ZFP1: variants seen among roughly 807,000 people sequenced by gnomAD.
The protein encoded by ZFP1 is ZFP1 zinc finger protein.
In ZFP1, 32 loss-of-function variants were observed where a neutral mutation model predicts 38.5. The observed-to-expected ratio is 0.83, with a 90% CI of 0.63 to 1.12. The LOEUF (loss-of-function observed/expected upper bound fraction) is 1.12, where lower values mean the gene tolerates loss of function less well. Ranked by LOEUF, ZFP1 falls within the 50% of genes most tolerant of loss-of-function variation. The pLI, the probability that ZFP1 is intolerant of heterozygous loss-of-function variation, is 0.00. For synonymous variants in ZFP1, 245 were observed against 168.8 expected, an observed-to-expected ratio of 1.45 and a Z score of -3.50; for missense variants, 616 against 480.8, an observed-to-expected ratio of 1.28 and a Z score of -2.63.
At chr16:75,149,266 A>T (rs2037058278) in intron 1 of ZFP1, 1 of 152,170 alleles carries the variant, frequency 6.6e-6, no homozygotes, top group Non-Finnish European at 1.5e-5. Flanking sequence ...GTGGTACTTT[A>T]TGTGAGCAGC....
At chr16:75,165,308 T>G (rs1334135598) in intron 2 of ZFP1, among the ~76,000 whole-genome samples, 1 of 152,222 alleles carries the variant, frequency 6.6e-6, no homozygotes, top group Non-Finnish European at 1.5e-5. Context: ...TTTCAGCCCT[T>G]TGAAGATTTG....
the ZFP1 span, among the ~76,000 whole-genome samples, chr16:75,129,301 G>C: frequency 2.0e-5 from 3 of 152,150 alleles, no homozygotes; most frequent in African/African-American, 7.2e-5. Context: ...AGCCATGAGA[G>C]ATCAGATGAA....
chr16:75,140,936 G>A, the ZFP1 span, among the ~76,000 whole-genome samples: 1 of 151,980 alleles, frequency 6.6e-6, no homozygotes, highest in Non-Finnish European at 1.5e-5. Context: ...TCTAGCCTGG[G>A]CGACAGAGCA....
the ZFP1 span, among the ~76,000 whole-genome samples, chr16:75,135,969 C>A: frequency 6.6e-6 from 1 of 152,180 alleles, no homozygotes; most frequent in Non-Finnish European, 1.5e-5. Context: ...GCACCCGCCG[C>A]CATGCCTGGC....
the ZFP1 span, among the ~76,000 whole-genome samples, chr16:75,130,608 T>C: frequency 1.3e-5 from 2 of 152,166 alleles, no homozygotes; most frequent in African/African-American, 4.8e-5. Flanking sequence ...CAGGTTTTTG[T>C]ATCTATTGGG....
the ZFP1 span, among the ~76,000 whole-genome samples, chr16:75,123,429 A>ATGTGTGTG: frequency 8.9e-3 from 282 of 31,598 alleles, 9 homozygotes; most frequent in Middle Eastern, 0.036. Flanking sequence ...ATATATAAGA[A>ATGTGTGTG]TGTGTGTGTG....
intron 2 of ZFP1, among the ~76,000 whole-genome samples, chr16:75,164,545 C>CTTAA (rs1426696983): frequency 6.6e-6 from 1 of 152,022 alleles, no homozygotes; most frequent in Non-Finnish European, 1.5e-5. Context: ...TCTTGCTGGG[C>CTTAA]TTAATTTTGG....
chr16:75,138,388 A>G, the ZFP1 span, among the ~76,000 whole-genome samples: 1 of 152,146 alleles, frequency 6.6e-6, no homozygotes, highest in African/African-American at 2.4e-5. Flanking sequence ...TCCAAAGAGT[A>G]CAGAATAAAA....
chr16:75,132,776 C>A, the ZFP1 span, among the ~76,000 whole-genome samples: 3 of 150,200 alleles, frequency 2.0e-5, no homozygotes, highest in Non-Finnish European at 4.4e-5. Flanking sequence ...CTTGCCTCAG[C>A]CTCCTGTGTA....
intron 2 of ZFP1, among the ~76,000 whole-genome samples, chr16:75,165,180 G>A (rs2038001330): frequency 6.6e-6 from 1 of 152,114 alleles, no homozygotes; most frequent in East Asian, 1.9e-4. Context: ...TTTGTGGTAT[G>A]ATGGCCAAGT....
At chr16:75,154,331 A>G (rs1034665069) in intron 2 of ZFP1, among the ~76,000 whole-genome samples, 3 of 152,178 alleles carry the variant, frequency 2.0e-5, no homozygotes, top group South Asian at 2.1e-4. Flanking sequence ...TTATTTATCC[A>G]TTCACATATT....
At chr16:75,125,191 A>AGTG in the ZFP1 span, among the ~76,000 whole-genome samples, 1 of 152,084 alleles carries the variant, frequency 6.6e-6, no homozygotes, top group East Asian at 1.9e-4. Flanking sequence ...CCTAGGAAGC[A>AGTG]GTGGTTACAG....
intron 2 of ZFP1, among the ~76,000 whole-genome samples, chr16:75,158,471 T>G (rs1162340798): frequency 6.6e-6 from 1 of 151,920 alleles, no homozygotes; most frequent in Non-Finnish European, 1.5e-5. Flanking sequence ...GCCTCCTGAG[T>G]AGCTGGGACT....
chr16:75,123,447 GTGTATATGTATATATATATATATA>G, the ZFP1 span, among the ~76,000 whole-genome samples: 1 of 16,440 alleles, frequency 6.1e-5, no homozygotes, highest in Non-Finnish European at 1.5e-4. Flanking sequence ...GTGTGTGTGT[GTGTATATGTATATATATATATATA>G]TATATATATA....
chr16:75,169,456 A>G lies in ZFP1; in HGVS notation c.346A>G (p.Asn116Asp), dbSNP rs1298542697. 7.4e-6 allele frequency: 12 copies of G among 1,612,758 alleles called. No individual in the cohort carries two copies. The highest frequency in any genetic ancestry group is 1.0e-5 in the Non-Finnish European group (12 of 1,179,690). Reference protein sequence around the residue: ...YDLYEKTLKYNSDLLNSNRSY... With the variant: ...YDLYEKTLKYDSDLLNSNRSY... ...CTTATATGAAAAAACTTTGAAATAT[A>G]ATTCAGACTTGCTTAATAGTAATAG... is the stretch of plus-strand genomic sequence containing the variant. The change falls in exon 4 of 4, where the codon AAT (asparagine) becomes GAT (aspartate). Residue 116 changes from asparagine to aspartate, a missense_variant. Physicochemically the swap from Asn to Asp is conservative, Grantham distance 23. Coordinates refer to ENST00000570010, the MANE Select transcript of ZFP1 (RefSeq NM_153688.4).
intron 1 of ZFP1, among the ~76,000 whole-genome samples, chr16:75,150,905 A>G (rs2037167464): frequency 6.6e-6 from 1 of 151,996 alleles, no homozygotes. Flanking sequence ...GCTGTCTGCA[A>G]CCTCAAACCT....
chr16:75,147,008 T>G (rs1402287635), upstream of ZFP1, among the ~76,000 whole-genome samples: 2 of 149,942 alleles, frequency 1.3e-5, no homozygotes, highest in East Asian at 3.9e-4. Flanking sequence ...AAATGTATAT[T>G]ACTAAATGAA....
At chr16:75,125,587 T>G in the ZFP1 span, among the ~76,000 whole-genome samples, 58 of 152,290 alleles carry the variant, frequency 3.8e-4, no homozygotes, top group East Asian at 4.1e-3. Flanking sequence ...CCTTCCAAAG[T>G]GCTGGGATTA....
chr16:75,157,871 C>G lies in ZFP1; in HGVS notation c.15+4905C>G, dbSNP rs28452764. On this transcript the variant is annotated intron_variant, in intron 2 of 3. Transcript: ENST00000570010. ...AGTGCAGTGGCTTGATCTTCACTCA[C>G]TGCAGTCTTTGCCTCCTGAGTTCAA... Among the ~76,000 whole-genome samples the G allele has an allele frequency of 5.4e-3, 805 of 148,964 alleles. 5 individuals carry two copies. Among genetic ancestry groups the G allele is most frequent in the African/African-American group, 0.019 (763 of 40,910 alleles).
Sources: gnomAD v4.1 joint callset for allele counts (sites outside exome capture counted in the v4.1 genomes callset) on GRCh38, gnomAD v4.1.1 for gene constraint, MANE v1.5 for transcripts, NCBI Gene and HGNC (gene_info 2026-07-23, HGNC 2026-07-21) for gene names.